The following MGAT5 variants were observed in gnomAD, a reference collection of about 807,000 sequenced individuals.
MGAT5 encodes the protein alpha-1,6-mannosylglycoprotein 6-beta-N-acetylglucosaminyltransferase A.
In MGAT5, 30 loss-of-function variants were observed where a neutral mutation model predicts 94.3. That is an observed-to-expected ratio of 0.32 (90% CI 0.24 to 0.43). The LOEUF (loss-of-function observed/expected upper bound fraction) is 0.43. Among genes scored for constraint, MGAT5 ranks in the 20% least tolerant of loss-of-function variants. The probability of loss-of-function intolerance (pLI) is 1.00; values close to 1 mark genes in which losing one functional copy is unlikely to be tolerated. For missense variants in MGAT5, 691 were observed against 905.5 expected (o/e 0.76, Z 3.04); for synonymous variants, 310 against 322.9 (o/e 0.96, Z 0.43).
chr2:134,448,960 T>C lies in MGAT5; in HGVS notation c.*113T>C. ...GGGACTCTGGCAAGAGCCTGAACTT[T>C]TTCGTAGAAGGTTCTGAATTGGCAT... On this transcript the variant is annotated 3_prime_UTR_variant, in exon 16 of 16. Coordinates refer to ENST00000281923, the MANE Select transcript of MGAT5 (RefSeq NM_002410.5). The C allele has an allele frequency of 8.8e-7, 1 of 1,133,032 alleles. No individual in the cohort carries two copies. The highest frequency in any genetic ancestry group is 1.3e-6 in the Non-Finnish European group (1 of 797,496). The allele number at this position is 1,133,032 out of a possible 1,614,324, so 70.2% of individuals were successfully genotyped here. A position where few individuals can be genotyped will look rare whatever the true frequency, so the allele number is the denominator to read the frequency against.
At chr2:134,354,159 G>A (rs549879473) in intron 9 of MGAT5, among the ~76,000 whole-genome samples, 1 of 152,148 alleles carries the variant, frequency 6.6e-6, no homozygotes, top group Non-Finnish European at 1.5e-5. Context: ...AAATACTAGT[G>A]CTTAATATAT....
intron 1 of MGAT5, among the ~76,000 whole-genome samples, chr2:134,182,780 GTTTT>G (rs5834402): frequency 2.3e-5 from 2 of 87,062 alleles, no homozygotes; most frequent in South Asian, 4.1e-4. Flanking sequence ...TAGAAGATTA[GTTTT>G]TTTTTTTTTT....
intron 2 of MGAT5, among the ~76,000 whole-genome samples, chr2:134,305,615 A>G (rs1319994661): frequency 2.6e-5 from 4 of 152,192 alleles, no homozygotes; most frequent in African/African-American, 7.2e-5. Context: ...TGACAGTTTG[A>G]TAAGAACAGG....
chr2:134,246,295 G>A (rs1227171051), intron 1 of MGAT5, among the ~76,000 whole-genome samples: 2 of 152,154 alleles, frequency 1.3e-5, no homozygotes, highest in Admixed American at 1.3e-4. Context: ...AGAGTTGGTG[G>A]CATCACAGCT....
At chr2:134,381,516 CAGACAGACAGACAGACAGACAGAT>C (rs1681617493) in intron 10 of MGAT5, among the ~76,000 whole-genome samples, 1 of 79,110 alleles carries the variant, frequency 1.3e-5, no homozygotes, top group African/African-American at 4.6e-5. Flanking sequence ...ACAGACCAGA[CAGACAGACAGACAGACAGACAGAT>C]AGATAGATAG....
At chr2:134,129,652 C>T (rs541818083) in intron 1 of MGAT5, among the ~76,000 whole-genome samples, 2 of 151,208 alleles carry the variant, frequency 1.3e-5, no homozygotes, top group Non-Finnish European at 2.9e-5. Flanking sequence ...TTGAGGTCTG[C>T]TAAGGCCAGA....
rs553522329 is a variant in MGAT5 at position 134,155,429 on chromosome 2, T to C, written c.-143+35138T>C. 2.6e-5 allele frequency among the ~76,000 whole-genome samples: 4 copies of C among 152,336 alleles called. No homozygotes were observed. In the East Asian group the frequency reaches 7.7e-4, roughly 29 times the overall value. ...GTCTGATTGTGTTTCAGTCCTTAAC[T>C]AGGTCTGACTTGGAGCAGCTGAATT... On this transcript the variant is annotated intron_variant, in intron 1 of 16. Coordinates refer to the MGAT5 transcript ENST00000409645.
At chr2:134,137,386 G>A (rs139748141) in intron 1 of MGAT5, among the ~76,000 whole-genome samples, 1 of 152,268 alleles carries the variant, frequency 6.6e-6, no homozygotes, top group Non-Finnish European at 1.5e-5. Flanking sequence ...GTGCTCTGCC[G>A]CTGCTGTACC....
At chr2:134,271,139 T>G (rs568648876) in intron 2 of MGAT5, among the ~76,000 whole-genome samples, 1 of 152,298 alleles carries the variant, frequency 6.6e-6, no homozygotes, top group Non-Finnish European at 1.5e-5. Flanking sequence ...ACTGGAATAT[T>G]GGATGAGACA....
chr2:134,125,843 T>G (rs1412659552), intron 1 of MGAT5, among the ~76,000 whole-genome samples: 1 of 152,196 alleles, frequency 6.6e-6, no homozygotes, highest in East Asian at 1.9e-4. Flanking sequence ...CTTTCTCATG[T>G]CACCTTTTAA....
chr2:134,157,891 G>A (rs1687549404), intron 1 of MGAT5, among the ~76,000 whole-genome samples: 1 of 152,178 alleles, frequency 6.6e-6, no homozygotes, highest in Non-Finnish European at 1.5e-5. Context: ...ACAGTTCTCA[G>A]AATACTTGAA....
chr2:134,324,603 A>C (rs1687535728), intron 4 of MGAT5, among the ~76,000 whole-genome samples: 1 of 152,094 alleles, frequency 6.6e-6, no homozygotes, highest in South Asian at 2.1e-4. Flanking sequence ...AACCAGTACA[A>C]TGATTTGGAT....
upstream of MGAT5, chr2:134,120,147 T>TGCGGCTCCCGCGGCGGCGGCCCC (rs1304214235): frequency 5.2e-5 from 8 of 154,952 alleles, no homozygotes; most frequent in Non-Finnish European, 5.7e-5. Flanking sequence ...GCGGCGGCCC[T>TGCGGCTCCCGCGGCGGCGGCCCC]GCGGCTCCCG....
At chr2:134,262,553 CAA>C in intron 1 of MGAT5, among the ~76,000 whole-genome samples, 1 of 150,894 alleles carries the variant, frequency 6.6e-6, no homozygotes, top group South Asian at 2.1e-4. Context: ...TAATTTAAAA[CAA>C]AAGTTTTTTT....
At chr2:134,312,479 C>CT (rs1441369467) in intron 2 of MGAT5, among the ~76,000 whole-genome samples, 1 of 152,144 alleles carries the variant, frequency 6.6e-6, no homozygotes, top group African/African-American at 2.4e-5. Flanking sequence ...TCTCCCACTG[C>CT]TTTTTATCTG....
At chr2:134,252,031 G>A (rs775455549), upstream of MGAT5, among the ~76,000 whole-genome samples, 1 of 152,074 alleles carries the variant, frequency 6.6e-6, no homozygotes, top group Non-Finnish European at 1.5e-5. Context: ...AATGTCCTTC[G>A]GGTATATCCC....
At chr2:134,148,064 C>G (rs1687004941) in intron 1 of MGAT5, among the ~76,000 whole-genome samples, 1 of 152,188 alleles carries the variant, frequency 6.6e-6, no homozygotes, top group African/African-American at 2.4e-5. Context: ...AGCACTCATA[C>G]CGTATCACAA....
chr2:134,423,515 C>A (rs1324896439), intron 13 of MGAT5, among the ~76,000 whole-genome samples: 2 of 152,156 alleles, frequency 1.3e-5, no homozygotes, highest in African/African-American at 4.8e-5. Flanking sequence ...CAGAAGTTTA[C>A]CATCCAGTAA....
At chr2:134,291,200 C>A (rs926413077) in intron 2 of MGAT5, among the ~76,000 whole-genome samples, 3 of 152,090 alleles carry the variant, frequency 2.0e-5, no homozygotes, top group African/African-American at 7.2e-5. Flanking sequence ...AGATCCTAAC[C>A]CCCAAGGCGA....
Sources: gnomAD v4.1 joint callset for allele counts (sites outside exome capture counted in the v4.1 genomes callset) on GRCh38, gnomAD v4.1.1 for gene constraint, MANE v1.5 for transcripts, NCBI Gene and HGNC (gene_info 2026-07-23, HGNC 2026-07-21) for gene names.